Variants in PRKG1 observed in about 807,000 individuals in gnomAD.
PRKG1 encodes the protein protein kinase cGMP-dependent 1.
In PRKG1, 35 loss-of-function variants were observed where a neutral mutation model predicts 88.1. The observed-to-expected ratio is 0.40, with a 90% confidence interval of 0.30 to 0.53. The LOEUF (loss-of-function observed/expected upper bound fraction) is 0.53, where lower values mean the gene tolerates loss of function less well. Among genes scored for constraint, PRKG1 ranks in the 20% least tolerant of loss-of-function variants. PRKG1 has a pLI of 0.59. For synonymous variants in PRKG1, 303 were observed against 292.5 expected, an observed-to-expected ratio of 1.04 and a Z score of -0.37; for missense variants, 540 against 839.8, an observed-to-expected ratio of 0.64 and a Z score of 4.41.
At chr10:51,658,091 T>A (rs922750450) in intron 3 of PRKG1, among the ~76,000 whole-genome samples, 1 of 152,108 alleles carries the variant, frequency 6.6e-6, no homozygotes, top group Non-Finnish European at 1.5e-5. Context: ...AAACATGAGA[T>A]CCTTGGAAGC....
intron 1 of PRKG1, among the ~76,000 whole-genome samples, chr10:51,008,305 A>G (rs1306982042): frequency 6.6e-6 from 1 of 152,182 alleles, no homozygotes; most frequent in Non-Finnish European, 1.5e-5. Flanking sequence ...TATATACTGC[A>G]AGAAGGGTGA....
intron 4 of PRKG1, among the ~76,000 whole-genome samples, chr10:51,852,127 A>T (rs7088201): frequency 0.2 from 29,795 of 149,134 alleles, 6,535 homozygotes; most frequent in African/African-American, 0.55. Context: ...TTTACATATG[A>T]TATATATATA....
At chr10:51,105,640 A>G (rs1405819828) in intron 1 of PRKG1, among the ~76,000 whole-genome samples, 1 of 152,234 alleles carries the variant, frequency 6.6e-6, no homozygotes, top group Non-Finnish European at 1.5e-5. Context: ...CTGGTAGTCA[A>G]CAAGCTGTTA....
At chr10:52,286,472 G>C (rs1842118679) in intron 14 of PRKG1, among the ~76,000 whole-genome samples, 1 of 151,982 alleles carries the variant, frequency 6.6e-6, no homozygotes, top group Non-Finnish European at 1.5e-5. Flanking sequence ...AGAAAAACTA[G>C]TAAAAAGATT....
At position 51,252,034 on chromosome 10, in the gene PRKG1, G is replaced by A. The variant is rs552352187; in HGVS notation, c.478+98704G>A. Among the ~76,000 whole-genome samples the A allele has an allele frequency of 1.4e-4, 21 of 151,744 alleles. No individual in the cohort carries two copies. In the South Asian group the frequency reaches 1.5e-3, roughly 10 times the overall value. On this transcript the variant is annotated intron_variant, in intron 2 of 17. Coordinates refer to ENST00000373980, the MANE Select transcript of PRKG1 (RefSeq NM_006258.4). ...ATATTGCATACTATTGCATATATAC[G>A]TTATTAGTCTAATGTAATTCATGTG...
intron 3 of PRKG1, among the ~76,000 whole-genome samples, chr10:51,739,503 C>T (rs969881711): frequency 3.9e-5 from 6 of 152,114 alleles, no homozygotes; most frequent in Non-Finnish European, 5.9e-5. Context: ...ATGGGTATTG[C>T]TCCTAACAGC....
chr10:52,241,665 T>C (rs1356608617), intron 9 of PRKG1, among the ~76,000 whole-genome samples: 2 of 152,086 alleles, frequency 1.3e-5, no homozygotes, highest in Non-Finnish European at 2.9e-5. Flanking sequence ...CTAGTAACCA[T>C]AGAGAAAAGG....
At chr10:51,553,287 T>C (rs537052337) in intron 3 of PRKG1, among the ~76,000 whole-genome samples, 1 of 151,868 alleles carries the variant, frequency 6.6e-6, no homozygotes, top group East Asian at 1.9e-4. Context: ...CTTATATTAA[T>C]TCTTTTGCCG....
intron 1 of PRKG1, among the ~76,000 whole-genome samples, chr10:51,067,217 A>T (rs1843761708): frequency 6.6e-6 from 1 of 151,074 alleles, no homozygotes; most frequent in African/African-American, 2.4e-5. Flanking sequence ...GCCATGGCAT[A>T]TGTTGCTGTC....
intron 9 of PRKG1, among the ~76,000 whole-genome samples, chr10:52,224,591 C>T (rs1380137795): frequency 5.0e-4 from 11 of 21,930 alleles, no homozygotes; most frequent in Admixed American, 1.2e-3. Context: ...CTATCCTTCG[C>T]CCCACCTCCG....
chr10:51,204,557 C>T (rs1053731945), intron 2 of PRKG1, among the ~76,000 whole-genome samples: 13 of 152,108 alleles, frequency 8.5e-5, no homozygotes, highest in African/African-American at 3.1e-4. Flanking sequence ...TCTCTAGCCT[C>T]ATAGCTACCC....
chr10:51,024,066 A>G (rs74133943), intron 1 of PRKG1, among the ~76,000 whole-genome samples: 22 of 152,324 alleles, frequency 1.4e-4, no homozygotes, highest in African/African-American at 4.8e-4. Context: ...CACAACCTCC[A>G]TATTAGAACT....
chr10:51,910,098 G>C (rs995129248), intron 5 of PRKG1: 1 of 152,126 alleles, frequency 6.6e-6, no homozygotes, highest in African/African-American at 2.4e-5. Context: ...TGATTGCTAG[G>C]CATCATTAAG....
intron 4 of PRKG1, among the ~76,000 whole-genome samples, chr10:51,901,108 A>T (rs1360670804): frequency 6.6e-6 from 1 of 152,170 alleles, no homozygotes; most frequent in Non-Finnish European, 1.5e-5. Context: ...AGCCACCATC[A>T]CTTTTGCAGC....
intron 7 of PRKG1, among the ~76,000 whole-genome samples, chr10:52,090,873 C>T (rs915643212): frequency 1.3e-5 from 2 of 152,078 alleles, no homozygotes. Context: ...TCCATTTTTG[C>T]CTTCTGCTAA....
chr10:51,083,639 T>C (rs1844172001), intron 1 of PRKG1, among the ~76,000 whole-genome samples: 1 of 151,970 alleles, frequency 6.6e-6, no homozygotes, highest in South Asian at 2.1e-4. Context: ...TTCAGCCCCC[T>C]TTCCAGGAGG....
intron 3 of PRKG1, among the ~76,000 whole-genome samples, chr10:51,502,497 C>T (rs1589023003): frequency 6.6e-6 from 1 of 152,154 alleles, no homozygotes; most frequent in South Asian, 2.1e-4. Flanking sequence ...TATTTCCCTA[C>T]ATTCTTTTGT....
intron 9 of PRKG1, among the ~76,000 whole-genome samples, chr10:52,250,489 C>T (rs1175467092): frequency 1.3e-5 from 2 of 152,104 alleles, no homozygotes; most frequent in South Asian, 4.1e-4. Context: ...TAAACATACC[C>T]ATGGCTGATT....
chr10:52,293,409 T>C (rs530036479), intron 17 of PRKG1, among the ~76,000 whole-genome samples: 2 of 151,990 alleles, frequency 1.3e-5, no homozygotes, highest in Non-Finnish European at 2.9e-5. Context: ...TGGAAAAAAC[T>C]ACTTTAAAGT....
Sources: allele counts gnomAD v4.1 joint callset (sites outside exome capture counted in the v4.1 genomes callset), GRCh38; gene constraint gnomAD v4.1.1; transcripts MANE v1.5; gene names NCBI Gene and HGNC (gene_info 2026-07-23, HGNC 2026-07-21).